WDTC1: variants seen among roughly 807,000 people sequenced by gnomAD.
WDTC1 encodes WD and tetratricopeptide repeats 1.
In WDTC1, 12 loss-of-function variants were observed where a neutral mutation model predicts 76.0. The ratio of observed to expected loss-of-function variants is 0.16; its 90% CI spans 0.10 to 0.26. The LOEUF (loss-of-function observed/expected upper bound fraction) is 0.26. Ranked by LOEUF, WDTC1 falls within the 10% of genes least tolerant of loss-of-function variation. The pLI is 1.00. For synonymous variants in WDTC1, 326 were observed against 350.8 expected, an observed-to-expected ratio of 0.93 and a Z score of 0.79; for missense variants, 511 against 908.8, an observed-to-expected ratio of 0.56 and a Z score of 5.63.
chr1:27,285,202 G>T (rs2013299175), intron 5 of WDTC1, among the ~76,000 whole-genome samples: 1 of 151,576 alleles, frequency 6.6e-6, no homozygotes, highest in South Asian at 2.1e-4. Flanking sequence ...ACACCTGGCA[G>T]ATTTTTGTAT....
At chr1:27,288,991 C>A (rs776074005) in intron 6 of WDTC1, among the ~76,000 whole-genome samples, 5,216 of 147,606 alleles carry the variant, frequency 0.035, 136 homozygotes, top group African/African-American at 0.051. Flanking sequence ...TGACCCCCCC[C>A]CCACCTCCCT....
intron 1 of WDTC1, among the ~76,000 whole-genome samples, chr1:27,259,323 CTTTTT>C (rs57081638): frequency 9.4e-6 from 1 of 106,330 alleles, no homozygotes; most frequent in Non-Finnish European, 1.9e-5. Context: ...CCATGCCCAA[CTTTTT>C]TTTTTTTTTT....
intron 1 of WDTC1, among the ~76,000 whole-genome samples, 155 bp downstream of exon 1, chr1:27,235,106 A>ACCCCTCT (rs1397901393): frequency 4.7e-5 from 7 of 150,012 alleles, no homozygotes. Flanking sequence ...GTGTCCCGAG[A>ACCCCTCT]GGGGCCAGGC....
At chr1:27,289,035 A>AC (rs2013437136) in intron 6 of WDTC1, among the ~76,000 whole-genome samples, 2 of 100,342 alleles carry the variant, frequency 2.0e-5, no homozygotes, top group Admixed American at 1.1e-4. Context: ...CGGGGGGCTG[A>AC]CCCCCCCACC....
chr1:27,283,514 G>T, intron 5 of WDTC1, 65 bp downstream of exon 5: 2 of 1,484,298 alleles, frequency 1.3e-6, no homozygotes, highest in South Asian at 2.3e-5. Flanking sequence ...ACTGGGCTGT[G>T]GCCACGCCAT....
chr1:27,275,865 A>G (rs550818683), intron 3 of WDTC1, among the ~76,000 whole-genome samples: 1 of 152,270 alleles, frequency 6.6e-6, no homozygotes, highest in African/African-American at 2.4e-5. Context: ...ATCACCCCAA[A>G]AAGGAACCTC....
At chr1:27,296,785 A>AACCTAG (rs762320176) in intron 10 of WDTC1, among the ~76,000 whole-genome samples, 4 of 88,684 alleles carry the variant, frequency 4.5e-5, no homozygotes, top group African/African-American at 1.8e-4. Context: ...CCCAGCCCCA[A>AACCTAG]CCCTAGCCCC....
At chr1:27,253,908 A>G (rs1435964738) in intron 1 of WDTC1, among the ~76,000 whole-genome samples, 4 of 152,180 alleles carry the variant, frequency 2.6e-5, no homozygotes, top group African/African-American at 9.7e-5. Context: ...CCTTAAAATA[A>G]TGCTTTTAAA....
chr1:27,239,829 AAAAAAAC>A, intron 1 of WDTC1, among the ~76,000 whole-genome samples: 1 of 150,038 alleles, frequency 6.7e-6, no homozygotes, highest in East Asian at 2.0e-4. Context: ...AAAAAAAACC[AAAAAAAC>A]CCAAAAAAAC....
intron 3 of WDTC1, among the ~76,000 whole-genome samples, chr1:27,277,098 T>C (rs2013053647): frequency 6.6e-6 from 1 of 151,990 alleles, no homozygotes. Context: ...AGTGGCACAG[T>C]CATGGCTTAC....
intron 11 of WDTC1, among the ~76,000 whole-genome samples, chr1:27,297,550 G>A (rs2013726451): frequency 6.6e-6 from 1 of 152,294 alleles, no homozygotes; most frequent in Middle Eastern, 3.4e-3. Flanking sequence ...ATACAGAGGC[G>A]CTCAAATTCC....
chr1:27,297,560 C>T (rs1306279277), intron 11 of WDTC1, among the ~76,000 whole-genome samples: 1 of 152,176 alleles, frequency 6.6e-6, no homozygotes, highest in East Asian at 1.9e-4. Context: ...GCTCAAATTC[C>T]CTAGCCTTGA....
intron 1 of WDTC1, among the ~76,000 whole-genome samples, chr1:27,245,883 G>A (rs1441469443): frequency 6.6e-6 from 1 of 151,598 alleles, no homozygotes; most frequent in African/African-American, 2.4e-5. Flanking sequence ...ACATGCTATG[G>A]GAGGTAGCAT....
At chr1:27,297,704 C>G (rs983615740) in intron 11 of WDTC1, among the ~76,000 whole-genome samples, 4 of 152,164 alleles carry the variant, frequency 2.6e-5, no homozygotes, top group Admixed American at 6.5e-5. Flanking sequence ...TTCTGCCCTT[C>G]TTTTCACTGG....
At chr1:27,252,019 G>A (rs1397585092) in intron 1 of WDTC1, among the ~76,000 whole-genome samples, 2 of 152,088 alleles carry the variant, frequency 1.3e-5, no homozygotes, top group East Asian at 3.9e-4. Flanking sequence ...CTGCACTCCA[G>A]CCTGGGTGAT....
At chr1:27,247,672 G>A (rs949228331) in intron 1 of WDTC1, among the ~76,000 whole-genome samples, 10 of 150,996 alleles carry the variant, frequency 6.6e-5, no homozygotes, top group Non-Finnish European at 1.2e-4. Context: ...TCTTATGGCT[G>A]CATGGTCATT....
Position 27,306,467 on chromosome 1 carries a change from G to T in WDTC1, c.*84G>T, listed in dbSNP as rs1157700670. 2.7e-6 allele frequency: 4 copies of T among 1,463,162 alleles called. No individual in the cohort carries two copies. The highest frequency in any genetic ancestry group is 2.7e-6 in the Non-Finnish European group (3 of 1,096,772). 90.6% of individuals were successfully genotyped at this position (1,463,162 alleles called of 1,614,324 possible). Reference sequence around the variant, plus strand: ...AGGTCAGGGGATTCTGTTTTGGTTTGTCTTCCCCACCACCCTTTTTTTTCA... The same window carrying T: ...AGGTCAGGGGATTCTGTTTTGGTTTTTCTTCCCCACCACCCTTTTTTTTCA... On this transcript the variant is annotated 3_prime_UTR_variant, in exon 16 of 16. Coordinates refer to ENST00000319394, the MANE Select transcript of WDTC1 (RefSeq NM_001276252.2). This position sits in a 1 kb window ranked among gnomAD's most constrained non-coding sequence, Gnocchi z 5.0.
At chr1:27,239,495 A>G (rs1352475071) in intron 1 of WDTC1, among the ~76,000 whole-genome samples, 1 of 139,056 alleles carries the variant, frequency 7.2e-6, no homozygotes, top group Non-Finnish European at 1.5e-5. Flanking sequence ...GAACTCCAGC[A>G]TGGGCAACAG....
intron 3 of WDTC1, among the ~76,000 whole-genome samples, chr1:27,270,226 A>T (rs1212982019): frequency 6.6e-6 from 1 of 152,128 alleles, no homozygotes; most frequent in Non-Finnish European, 1.5e-5. Flanking sequence ...ACCTGAGCAG[A>T]GTTATGCTTT....
Sources: gnomAD v4.1 joint callset for allele counts (sites outside exome capture counted in the v4.1 genomes callset) on GRCh38, gnomAD v4.1.1 for gene constraint, Gnocchi (gnomAD v3.1) non-coding constraint, MANE v1.5 for transcripts, NCBI Gene and HGNC (gene_info 2026-07-23, HGNC 2026-07-21) for gene names.